Variants in INTS4 observed in about 807,000 individuals in gnomAD.
INTS4 encodes the protein integrator complex subunit 4, also known as MSTP093.
In INTS4, 70 loss-of-function variants were observed where a neutral mutation model predicts 119.5. That is an observed-to-expected ratio of 0.59 (90% CI 0.48 to 0.71). The LOEUF is 0.71. Ranked by LOEUF, INTS4 falls within the 30% of genes least tolerant of loss-of-function variation. INTS4 has a pLI of 0.00. For synonymous variants in INTS4, 316 were observed against 419.6 expected (o/e 0.75, Z 3.02); for missense variants, 867 against 1,173.2 (o/e 0.74, Z 3.81).
chr11:77,958,049 C>T (rs1260616597), intron 7 of INTS4, among the ~76,000 whole-genome samples: 3 of 152,100 alleles, frequency 2.0e-5, no homozygotes, highest in Non-Finnish European at 4.4e-5. Flanking sequence ...GACACAATTT[C>T]CAGTTAGCCC....
rs530247643 is a variant in INTS4, at chr11:77,912,408, G to C, written c.1923-4598C>G. Among the ~76,000 whole-genome samples, 8 of 150,314 alleles carry C rather than the reference G, an allele frequency of 5.3e-5. No homozygotes were observed. In the South Asian group the frequency reaches 1.5e-3, roughly 28 times the overall value. On this transcript the variant is annotated intron_variant, in intron 15 of 22. Coordinates refer to ENST00000534064, the MANE Select transcript of INTS4 (RefSeq NM_033547.4). ...GGATACACTGGGCCACTTTTCTTTA[G>C]ATGCTATCAGGCAGAGCAAAACAGT...
intron 4 of INTS4, among the ~76,000 whole-genome samples, chr11:77,967,098 A>G (rs1008622640): frequency 6.6e-6 from 1 of 152,184 alleles, no homozygotes; most frequent in Admixed American, 6.5e-5. Flanking sequence ...GATTAGTGAT[A>G]TTAAGCATCT....
chr11:77,890,396 C>T (rs548715186), intron 21 of INTS4, among the ~76,000 whole-genome samples: 51 of 152,188 alleles, frequency 3.4e-4, no homozygotes, highest in Non-Finnish European at 5.3e-4. Flanking sequence ...CCTGCCAGTG[C>T]TTGCATCCCT....
At chr11:77,884,040 A>G in intron 21 of INTS4, 88 bp from the exon 22 acceptor site, 1 of 1,338,194 alleles carries the variant, frequency 7.5e-7, no homozygotes, top group Non-Finnish European at 1.0e-6. Flanking sequence ...ACCTCAAAAC[A>G]CAAGAAGAAA....
intron 10 of INTS4, among the ~76,000 whole-genome samples, chr11:77,937,817 GTATT>G (rs4016025): frequency 0.025 from 3,666 of 146,588 alleles, 136 homozygotes; most frequent in African/African-American, 0.081. Flanking sequence ...ATATCTTTCT[GTATT>G]TATTTATTTA....
At chr11:77,993,105 T>C (rs1374824098) in intron 1 of INTS4, among the ~76,000 whole-genome samples, 1 of 152,236 alleles carries the variant, frequency 6.6e-6, no homozygotes, top group Non-Finnish European at 1.5e-5. Flanking sequence ...CAATATCAAC[T>C]GTCATTCAAC....
intron 10 of INTS4, among the ~76,000 whole-genome samples, chr11:77,933,833 G>C (rs1953724320): frequency 6.6e-6 from 1 of 151,518 alleles, no homozygotes; most frequent in Non-Finnish European, 1.5e-5. Flanking sequence ...CCTCTGCCCG[G>C]CCGCCCTGTC....
chr11:77,877,523 A>G (rs1269849421), downstream of INTS4, among the ~76,000 whole-genome samples: 21 of 152,230 alleles, frequency 1.4e-4, no homozygotes, highest in Admixed American at 1.2e-3. Flanking sequence ...ACTGAGGCAG[A>G]GAGAGCTGAA....
intron 9 of INTS4, among the ~76,000 whole-genome samples, chr11:77,940,127 A>G (rs926102323): frequency 1.3e-5 from 2 of 152,186 alleles, no homozygotes; most frequent in Non-Finnish European, 2.9e-5. Flanking sequence ...GCCTAAGGGC[A>G]TTTCATAAGA....
chr11:77,883,946 A>G lies in INTS4; in HGVS notation c.2599T>C (p.Tyr867His). 1 of 1,613,008 alleles carries G rather than the reference A, an allele frequency of 6.2e-7. No homozygotes were observed. The highest frequency in any genetic ancestry group is 2.2e-5 in the East Asian group (1 of 44,852). ...ATCATCTGAGCCTGGCCATCTGGATATAAGACCTAAAGGGTGACAGAAATG... is the reference window on the plus strand; with the variant it reads ...ATCATCTGAGCCTGGCCATCTGGATGTAAGACCTAAAGGGTGACAGAAATG... ...PQNTVKVQVL[Y>H]PDGQAQMIHP... The change falls in exon 22 of 23, where the codon TAT (tyrosine) becomes CAT (histidine). Residue 867 changes from tyrosine (Y) to histidine (H), a missense_variant. This residue lies in a region of INTS4 where 122 missense variants were observed against 133.2 expected (regional missense o/e 0.92). Coordinates refer to ENST00000534064, the MANE Select transcript of INTS4 (RefSeq NM_033547.4).
At position 77,984,280 on chromosome 11, in the gene INTS4, G is replaced by A. The variant is rs777643708; in HGVS notation, c.247-2704C>T. 2.0e-4 allele frequency among the ~76,000 whole-genome samples: 30 copies of A among 152,232 alleles called. 1 individual carries two copies. Among genetic ancestry groups the A allele is most frequent in the African/African-American group, 6.5e-4 (27 of 41,532 alleles). ...GGCCAAGGCAGGCAGATCACCCTACGTCAGGAAGTTTGAGACCAGACTGAC... is the reference window on the plus strand; with the variant it reads ...GGCCAAGGCAGGCAGATCACCCTACATCAGGAAGTTTGAGACCAGACTGAC... On this transcript the variant is annotated intron_variant, in intron 2 of 22. Transcript: ENST00000534064.
intron 9 of INTS4, among the ~76,000 whole-genome samples, chr11:77,939,659 C>T (rs1019567340): frequency 1.3e-5 from 2 of 151,774 alleles, no homozygotes; most frequent in African/African-American, 4.8e-5. Flanking sequence ...ATATATCAGC[C>T]TCTCATTAAA....
intron 22 of INTS4, among the ~76,000 whole-genome samples, chr11:77,880,977 G>C (rs1456504863): frequency 6.6e-6 from 1 of 152,076 alleles, no homozygotes; most frequent in African/African-American, 2.4e-5. Context: ...ATCCTGCTAA[G>C]GTCAGAGGGA....
At chr11:77,937,302 AC>A (rs1160156964) in intron 10 of INTS4, among the ~76,000 whole-genome samples, 1 of 152,178 alleles carries the variant, frequency 6.6e-6, no homozygotes, top group Non-Finnish European at 1.5e-5. Context: ...ACTGTACTAT[AC>A]CCAGGCATAT....
intron 11 of INTS4, among the ~76,000 whole-genome samples, chr11:77,927,471 T>A (rs1233848471): frequency 6.6e-6 from 1 of 152,110 alleles, no homozygotes; most frequent in Non-Finnish European, 1.5e-5. Context: ...GAACCCCATC[T>A]TCCCCAAAAA....
chr11:77,959,081 C>A (rs2136578506), intron 6 of INTS4, among the ~76,000 whole-genome samples: 4 of 152,296 alleles, frequency 2.6e-5, no homozygotes, highest in Middle Eastern at 6.8e-3. Context: ...ATAAAAACAT[C>A]TAGAACAGAT....
chr11:77,963,020 G>A (rs1303779828), intron 4 of INTS4, among the ~76,000 whole-genome samples: 2 of 151,826 alleles, frequency 1.3e-5, no homozygotes, highest in Admixed American at 6.6e-5. Context: ...CTCAAACCGC[G>A]CCCCCTAAAA....
intron 4 of INTS4, among the ~76,000 whole-genome samples, chr11:77,965,751 T>A (rs1255956742): frequency 1.3e-5 from 2 of 152,218 alleles, no homozygotes; most frequent in South Asian, 2.1e-4. Flanking sequence ...GTTGATTCCA[T>A]ACATTGGCTA....
At chr11:77,924,648 A>T in intron 12 of INTS4, 102 bp downstream of exon 12, 2 of 1,055,960 alleles carry the variant, frequency 1.9e-6, no homozygotes, top group Non-Finnish European at 2.7e-6. Context: ...GGCAAAATTC[A>T]GGGCCGTACT....
Sources: allele counts gnomAD v4.1 joint callset (sites outside exome capture counted in the v4.1 genomes callset), GRCh38; gene constraint gnomAD v4.1.1; regional missense constraint gnomAD v4.1.1; transcripts MANE v1.5; gene names NCBI Gene and HGNC (gene_info 2026-07-23, HGNC 2026-07-21).